The following MND1 variants were observed in gnomAD, a reference collection of about 807,000 sequenced individuals.
The protein encoded by MND1 is meiotic nuclear divisions 1.
In MND1, 28 loss-of-function variants were observed where a neutral mutation model predicts 35.1. The ratio of observed to expected loss-of-function variants is 0.80; its 90% CI spans 0.59 to 1.09. The LOEUF (loss-of-function observed/expected upper bound fraction) is 1.09. MND1 is among the 50% of genes least tolerant of loss of function. The pLI, the probability that MND1 is intolerant of heterozygous loss-of-function variation, is 0.00. For synonymous variants in MND1, 69 were observed against 70.5 expected (o/e 0.98, Z 0.11); for missense variants, 213 against 239.6 (o/e 0.89, Z 0.73).
At chr4:153,361,364 T>C in intron 4 of MND1, 1 of 423,930 alleles carries the variant, frequency 2.4e-6, no homozygotes, top group South Asian at 1.7e-5. Context: ...ATGAGATGTT[T>C]TGCTATCATT....
intron 4 of MND1, among the ~76,000 whole-genome samples, chr4:153,364,386 A>G (rs1325285446): frequency 6.6e-6 from 1 of 151,948 alleles, no homozygotes; most frequent in Non-Finnish European, 1.5e-5. Context: ...GGATAGTGGC[A>G]GGCTCCTGTG....
chr4:153,355,730 C>T lies in MND1; in HGVS notation c.127+19C>T, dbSNP rs781468866. 4.7e-6 allele frequency: 7 copies of T among 1,487,138 alleles called. No individual in the cohort carries two copies. In the Admixed American group the frequency reaches 8.7e-5, roughly 18 times the overall value. 92.1% of individuals were successfully genotyped at this position (1,487,138 alleles called of 1,614,324 possible). A position where few individuals can be genotyped will look rare whatever the true frequency, so the allele number is the denominator to read the frequency against. ...GGCATTAGTAAGTACCAAAGTTATA[C>T]TGGAATGTTTTGGGAAATATACTGG... is the stretch of plus-strand genomic sequence containing the variant. On this transcript the variant is annotated intron_variant, in intron 3 of 7. Transcript: ENST00000240488.
chr4:153,347,698 C>G (rs1773106687), intron 1 of MND1, among the ~76,000 whole-genome samples: 1 of 152,078 alleles, frequency 6.6e-6, no homozygotes, highest in African/African-American at 2.4e-5. Flanking sequence ...GGGAGAGTGC[C>G]TAAACTAAGC....
At chr4:153,381,689 T>TATATAC (rs1728703195) in intron 4 of MND1, 1 of 30,708 alleles carries the variant, frequency 3.3e-5, no homozygotes, top group Admixed American at 4.1e-4. Flanking sequence ...TATATATATA[T>TATATAC]ATATTTTTTT....
intron 2 of MND1, among the ~76,000 whole-genome samples, chr4:153,354,655 A>G (rs145136198): frequency 1.1e-3 from 164 of 152,174 alleles, no homozygotes; most frequent in African/African-American, 3.7e-3. Flanking sequence ...GGCACGCACT[A>G]CCACACCCAG....
chr4:153,360,459 A>C (rs979799578), intron 4 of MND1, among the ~76,000 whole-genome samples: 2 of 151,874 alleles, frequency 1.3e-5, no homozygotes, highest in Admixed American at 1.3e-4. Context: ...TGCATTTTAC[A>C]CTTAGATTTA....
At position 153,384,443 on chromosome 4, in the gene MND1, A is replaced by ATTTTTTTTTTTTTT. The variant is rs561004288; in HGVS notation, c.277-9803_277-9790dup. On this transcript the variant is annotated intron_variant, in intron 4 of 7. Transcript: ENST00000240488. ...TGCCACCATGCCCAGCTAATGTTTA[A>ATTTTTTTTTTTTTT]TTTTTTTTTTTTTTTTTTTTTTTTT... 1.8e-3 allele frequency among the ~76,000 whole-genome samples: 115 copies of ATTTTTTTTTTTTTT among 63,184 alleles called. 10 individuals carry two copies. Among genetic ancestry groups the ATTTTTTTTTTTTTT allele is most frequent in the African/African-American group, 2.4e-3 (41 of 16,920 alleles). The allele number at this position is 63,184 out of a possible 152,430, so 41.5% of individuals were successfully genotyped here. A position where few individuals can be genotyped will look rare whatever the true frequency, so the allele number is the denominator to read the frequency against.
chr4:153,386,353 C>T (rs1015632327), intron 4 of MND1, among the ~76,000 whole-genome samples: 5 of 151,524 alleles, frequency 3.3e-5, no homozygotes, highest in Non-Finnish European at 7.4e-5. Context: ...TTTAATTAGC[C>T]GGGTATGATG....
At chr4:153,359,285 G>A (rs1183923398) in intron 4 of MND1, among the ~76,000 whole-genome samples, 1 of 152,164 alleles carries the variant, frequency 6.6e-6, no homozygotes, top group Non-Finnish European at 1.5e-5. Flanking sequence ...GAATCATACA[G>A]TATGTAACCT....
chr4:153,394,475 G>C, intron 5 of MND1, 139 bp downstream of exon 5: 1 of 577,056 alleles, frequency 1.7e-6, no homozygotes, highest in Non-Finnish European at 3.0e-6. Context: ...GTTTGACCTG[G>C]TAGGATTCAC....
At chr4:153,349,878 A>G (rs866948947) in intron 1 of MND1, among the ~76,000 whole-genome samples, 186 bp from the exon 2 acceptor site, 1 of 152,234 alleles carries the variant, frequency 6.6e-6, no homozygotes, top group South Asian at 2.1e-4. Flanking sequence ...TACAGTTACC[A>G]TCTTGGCAGC....
At chr4:153,356,274 G>C (rs1463168864) in intron 3 of MND1, among the ~76,000 whole-genome samples, 1 of 152,086 alleles carries the variant, frequency 6.6e-6, no homozygotes, top group East Asian at 1.9e-4. Context: ...GTATAAATTG[G>C]GCTGGGCGTG....
In MND1 at chr4:153,394,177, A is replaced by C; in HGVS notation, c.277-85A>C. On this transcript the variant is annotated intron_variant, in intron 4 of 7. Coordinates refer to ENST00000240488, the MANE Select transcript of MND1 (RefSeq NM_032117.4). Reference sequence around the variant, plus strand: ...TGGGGCGAGTGCTGGGGCGTGAGCCACTGCACCTGGTGGACTTTGTTTTCA... The same window carrying C: ...TGGGGCGAGTGCTGGGGCGTGAGCCCCTGCACCTGGTGGACTTTGTTTTCA... The C allele has an allele frequency of 2.4e-6, 3 of 1,243,476 alleles. No homozygotes were observed. In the South Asian group the frequency reaches 3.8e-5, roughly 16 times the overall value. The allele number at this position is 1,243,476 out of a possible 1,614,324, so 77.0% of individuals were successfully genotyped here.
intron 3 of MND1, among the ~76,000 whole-genome samples, chr4:153,357,576 G>A (rs80032234): frequency 1.4e-3 from 214 of 152,308 alleles, no homozygotes; most frequent in Non-Finnish European, 2.5e-3. Flanking sequence ...AGGAAGTGGT[G>A]TTGCTGTCTC....
At chr4:153,348,470 A>G (rs572432658) in intron 1 of MND1, among the ~76,000 whole-genome samples, 1 of 152,356 alleles carries the variant, frequency 6.6e-6, no homozygotes, top group South Asian at 2.1e-4. Context: ...CCATGAAAGC[A>G]AATGAGATCA....
At chr4:153,350,222 C>T in intron 2 of MND1, 93 bp downstream of exon 2, 1 of 797,098 alleles carries the variant, frequency 1.3e-6, no homozygotes, top group African/African-American at 1.7e-5. Flanking sequence ...TGTTAAACAT[C>T]AATACTGATC....
At chr4:153,387,849 C>T (rs1405278765) in intron 4 of MND1, among the ~76,000 whole-genome samples, 1 of 149,458 alleles carries the variant, frequency 6.7e-6, no homozygotes. Flanking sequence ...TTTTTTTTTC[C>T]ACAACATACT....
chr4:153,385,008 T>C (rs1443042556), intron 4 of MND1, among the ~76,000 whole-genome samples: 1 of 152,238 alleles, frequency 6.6e-6, no homozygotes, highest in African/African-American at 2.4e-5. Context: ...AATCCAAAAA[T>C]ATTCAACAAA....
At chr4:153,370,302 A>C (rs927651475) in intron 4 of MND1, among the ~76,000 whole-genome samples, 1 of 151,974 alleles carries the variant, frequency 6.6e-6, no homozygotes, top group Non-Finnish European at 1.5e-5. Flanking sequence ...GCAATTTCTC[A>C]TCCATTTAAG....
Sources: allele counts gnomAD v4.1 joint callset (sites outside exome capture counted in the v4.1 genomes callset), GRCh38; gene constraint gnomAD v4.1.1; transcripts MANE v1.5; gene names NCBI Gene and HGNC (gene_info 2026-07-23, HGNC 2026-07-21).